The following SPATA18 variants were observed in gnomAD, a reference collection of about 807,000 sequenced individuals.
SPATA18 encodes spermatogenesis associated 18.
In SPATA18, 54 loss-of-function variants were observed where a neutral mutation model predicts 68.1. The ratio of observed to expected loss-of-function variants is 0.79; its 90% CI spans 0.64 to 0.99. The LOEUF is 0.99. SPATA18 is among the 50% of genes least tolerant of loss of function. The pLI is 0.00. For missense variants in SPATA18, 724 were observed against 681.1 expected (o/e 1.06, Z -0.70); for synonymous variants, 242 against 244.8 (o/e 0.99, Z 0.11).
Position 52,078,814 on chromosome 4 carries a change from G to T in SPATA18, c.1100G>T (p.Gly367Val). 6.2e-7 allele frequency: 1 copy of T among 1,609,080 alleles called. No homozygotes were observed. The change falls in exon 8 of 13, where the codon GGG (glycine) becomes GTG (valine). Residue 367 changes from glycine (G) to valine (V), a missense_variant. Transcript: ENST00000295213. ...AAATCGTTGACACCATCTTATGTGG[G>T]GTCGAATGACTTTGAGAATGCTGTC... ...VRKSLTPSYV[G>V]SNDFENAVLD...
chr4:52,076,202 G>A (rs1456360177), intron 6 of SPATA18, among the ~76,000 whole-genome samples: 1 of 152,134 alleles, frequency 6.6e-6, no homozygotes, highest in Non-Finnish European at 1.5e-5. Context: ...GAGCAGATGG[G>A]GAGAGCGTAG....
intron 7 of SPATA18, chr4:52,078,425 G>A (rs1337771665): frequency 1.5e-5 from 3 of 205,906 alleles, no homozygotes; most frequent in African/African-American, 4.6e-5. Context: ...CCAGTAATGT[G>A]ATATTGCTAT....
At chr4:52,059,308 C>T (rs1738626211) in intron 1 of SPATA18, among the ~76,000 whole-genome samples, 1 of 152,134 alleles carries the variant, frequency 6.6e-6, no homozygotes, top group Non-Finnish European at 1.5e-5. Flanking sequence ...CACCAAGGAC[C>T]GATGCCTTAT....
At chr4:52,076,029 G>A (rs1331389119) in intron 6 of SPATA18, among the ~76,000 whole-genome samples, 8 of 152,222 alleles carry the variant, frequency 5.3e-5, no homozygotes, top group Non-Finnish European at 8.8e-5. Flanking sequence ...TTAGAAAAGG[G>A]ACATGAACTT....
At position 52,097,095 on chromosome 4, in the gene SPATA18, A is replaced by G. The variant is rs2109559935; in HGVS notation, c.*2208A>G. The G allele has an allele frequency of 6.6e-6, 1 of 152,290 alleles. No individual in the cohort carries two copies. Among genetic ancestry groups the G allele is most frequent in the Non-Finnish European group, 1.5e-5 (1 of 68,028 alleles). The allele number at this position is 152,290 out of a possible 1,614,324, so 9.4% of individuals were successfully genotyped here. A position where few individuals can be genotyped will look rare whatever the true frequency, so the allele number is the denominator to read the frequency against. ...GGAAAATTTTTGGAAAGAATCCACAAAGCCAAAGGAGACTGGCCTATACTC... is the reference window on the plus strand; with the variant it reads ...GGAAAATTTTTGGAAAGAATCCACAGAGCCAAAGGAGACTGGCCTATACTC... On this transcript the variant is annotated 3_prime_UTR_variant, in exon 13 of 13. Coordinates refer to ENST00000295213, the MANE Select transcript of SPATA18 (RefSeq NM_145263.4).
chr4:52,057,464 G>T (rs1034893169), intron 1 of SPATA18, among the ~76,000 whole-genome samples: 5 of 152,136 alleles, frequency 3.3e-5, no homozygotes, highest in Admixed American at 1.3e-4. Context: ...TGTGGCATAG[G>T]ATATTCTCTC....
rs767686378 is a variant in SPATA18 at position 52,097,173 on chromosome 4, C to G, written c.*2286C>G. The G allele has an allele frequency of 1.1e-4, 16 of 152,146 alleles. No homozygotes were observed. Among genetic ancestry groups the G allele is most frequent in the African/African-American group, 1.4e-4 (6 of 41,432 alleles). The allele number at this position is 152,146 out of a possible 1,614,324, so 9.4% of individuals were successfully genotyped here. On this transcript the variant is annotated 3_prime_UTR_variant, in exon 13 of 13. Transcript: ENST00000295213. ...TAGAGACTTTGAAAAATGTGAAGCT[C>G]TTATTTTGTAACCTGGGTAAATGTT...
rs1340983205 is a variant in SPATA18 at position 52,096,833 on chromosome 4, A to G, written c.*1946A>G. 6 of 152,002 alleles carry G rather than the reference A, an allele frequency of 3.9e-5. No homozygotes were observed. Among genetic ancestry groups the G allele is most frequent in the Non-Finnish European group, 8.8e-5 (6 of 67,984 alleles). 9.4% of individuals were successfully genotyped at this position (152,002 alleles called of 1,614,324 possible). A position where few individuals can be genotyped will look rare whatever the true frequency, so the allele number is the denominator to read the frequency against. On this transcript the variant is annotated 3_prime_UTR_variant, in exon 13 of 13. Coordinates refer to ENST00000295213, the MANE Select transcript of SPATA18 (RefSeq NM_145263.4). ...ACATTCCTGGAAAATTCAAGTGTTT[A>G]TTAAAACTATGCAACAGTTACTGTG...
chr4:52,054,091 T>C (rs898628086), intron 1 of SPATA18, among the ~76,000 whole-genome samples: 1 of 152,240 alleles, frequency 6.6e-6, no homozygotes, highest in Admixed American at 6.5e-5. Flanking sequence ...ATGGACAGGT[T>C]CTATATCTGC....
At position 52,097,255 on chromosome 4, in the gene SPATA18, A is replaced by G. The variant is rs1383451591; in HGVS notation, c.*2368A>G. On this transcript the variant is annotated 3_prime_UTR_variant, in exon 13 of 13. Transcript: ENST00000295213. ...ATAACATTTAAAAAGTGCTTTTGTA[A>G]CTATTAGTTATTTGCAATAAAATGC... The G allele has an allele frequency of 9.9e-5, 15 of 152,166 alleles. No homozygotes were observed. The highest frequency in any genetic ancestry group is 9.8e-4 in the Admixed American group (15 of 15,264). The allele number at this position is 152,166 out of a possible 1,614,324, so 9.4% of individuals were successfully genotyped here.
rs770153196 is a variant in SPATA18 at position 52,069,905 on chromosome 4, G to A, written c.507G>A (p.Gln169=). The A allele has an allele frequency of 6.3e-7, 1 of 1,587,130 alleles. No individual in the cohort carries two copies. The highest frequency in any genetic ancestry group is 2.2e-5 in the East Asian group (1 of 44,454). ...TGGCTGCAGAGGAGGAAATAAATCA[G>A]CTGAAAAAGCAGTAAGAAAAAAATT... ...SLLAAEEEIN[Q]LKKQLKSLQA... is the part of the protein sequence containing the mutation. The change falls in exon 5 of 13, where the codon CAG becomes CAA. Residue 169 remains glutamine (Q), a synonymous_variant. Coordinates refer to ENST00000295213, the MANE Select transcript of SPATA18 (RefSeq NM_145263.4).
At chr4:52,079,980 C>T in intron 9 of SPATA18, 61 bp downstream of exon 9, 2 of 1,536,852 alleles carry the variant, frequency 1.3e-6, no homozygotes, top group Non-Finnish European at 1.8e-6. Context: ...TTGTCTGTTT[C>T]CTGAAAACAA....
In SPATA18 at chr4:52,060,510, C is replaced by T; in HGVS notation, c.179C>T (p.Ala60Val). The T allele has an allele frequency of 1.9e-6, 3 of 1,613,904 alleles. No homozygotes were observed. Among genetic ancestry groups the T allele is most frequent in the Non-Finnish European group, 2.5e-6 (3 of 1,179,860 alleles). The change falls in exon 2 of 13, where the codon GCA becomes GTA. Residue 60 changes from alanine to valine, a missense_variant. Coordinates refer to ENST00000295213, the MANE Select transcript of SPATA18 (RefSeq NM_145263.4). ...GGACAACTCTTTGGGATCCTCACAGCAGCAGCCCAAGAAGGTGAGAATGGC... is the reference window on the plus strand; with the variant it reads ...GGACAACTCTTTGGGATCCTCACAGTAGCAGCCCAAGAAGGTGAGAATGGC... ...VQGQLFGILT[A>V]AAQEGGRNDG... is the part of the protein sequence containing the mutation.
intron 2 of SPATA18, 23 bp downstream of exon 2, chr4:52,060,547 C>T: frequency 6.3e-7 from 1 of 1,596,390 alleles, no homozygotes; most frequent in Non-Finnish European, 8.6e-7. Context: ...TGTAATTTCC[C>T]ATCCAGTTCT....
chr4:52,065,797 A>G (rs192687040), intron 4 of SPATA18, among the ~76,000 whole-genome samples: 67 of 152,258 alleles, frequency 4.4e-4, no homozygotes, highest in African/African-American at 1.6e-3. Context: ...CCAAAATGCA[A>G]ATTCCAATAA....
At chr4:52,066,049 C>T (rs1739282209) in intron 4 of SPATA18, among the ~76,000 whole-genome samples, 1 of 152,226 alleles carries the variant, frequency 6.6e-6, no homozygotes, top group African/African-American at 2.4e-5. Flanking sequence ...CAATTGCCTT[C>T]CTTCTGACTG....
chr4:52,078,325 T>C (rs1199190677), intron 7 of SPATA18: 2 of 153,460 alleles, frequency 1.3e-5, no homozygotes, highest in African/African-American at 4.8e-5. Flanking sequence ...TAAATATTTG[T>C]TGAATTAACA....
intron 11 of SPATA18, among the ~76,000 whole-genome samples, chr4:52,086,313 G>C (rs1358455577): frequency 6.6e-6 from 1 of 152,154 alleles, no homozygotes; most frequent in Non-Finnish European, 1.5e-5. Context: ...AGAACATGCA[G>C]TTTTGTTACA....
intron 2 of SPATA18, 90 bp downstream of exon 2, chr4:52,060,614 T>G (rs1008575545): frequency 8.8e-6 from 12 of 1,358,874 alleles, no homozygotes; most frequent in Non-Finnish European, 1.1e-5. Context: ...GTTGGTGTGG[T>G]TGGGTTTCTC....
Sources: allele counts gnomAD v4.1 joint callset (sites outside exome capture counted in the v4.1 genomes callset), GRCh38; gene constraint gnomAD v4.1.1; transcripts MANE v1.5; gene names NCBI Gene and HGNC (gene_info 2026-07-23, HGNC 2026-07-21).